Variants in PDZRN4 observed in about 807,000 individuals in gnomAD.
PDZRN4 encodes PDZ domain-containing RING finger protein 4.
A neutral mutation model predicts 99.0 loss-of-function variants in PDZRN4; 70 were observed. That is an observed-to-expected ratio of 0.71 (90% confidence interval 0.58 to 0.86). The LOEUF (loss-of-function observed/expected upper bound fraction) is 0.86, where lower values mean the gene tolerates loss of function less well. Among genes scored for constraint, PDZRN4 ranks in the 40% least tolerant of loss-of-function variants. The pLI is 0.00. For synonymous variants in PDZRN4, 551 were observed against 501.6 expected (o/e 1.10, Z -1.32); for missense variants, 1,474 against 1,331.2 (o/e 1.11, Z -1.67).
intron 3 of PDZRN4, among the ~76,000 whole-genome samples, chr12:41,377,481 G>A (rs561757188): frequency 2.6e-5 from 4 of 152,208 alleles, no homozygotes; most frequent in African/African-American, 9.6e-5. Flanking sequence ...TGGCTAACAC[G>A]GTGAAACCCT....
chr12:41,307,294 G>T (rs1592005665), intron 3 of PDZRN4, among the ~76,000 whole-genome samples: 1 of 151,378 alleles, frequency 6.6e-6, no homozygotes, highest in East Asian at 2.1e-4. Flanking sequence ...GAGTTCTGGT[G>T]AGGGCTCTCT....
In PDZRN4 at chr12:41,480,722, T is replaced by C. The variant is rs1056933186; in HGVS notation, c.844-25734T>C. ...TTACCTTCTCTTCTCCTGGAAGATT[T>C]TTTTTCAGATTGTCAACAGAAAGCA... On this transcript the variant is annotated intron_variant, in intron 3 of 9. Transcript: ENST00000402685. Among the ~76,000 whole-genome samples, 22 of 152,264 alleles carry C rather than the reference T, an allele frequency of 1.4e-4. No individual in the cohort carries two copies. In the South Asian group the frequency reaches 2.9e-3, roughly 20 times the overall value.
chr12:41,387,642 GA>G (rs139068909), intron 3 of PDZRN4, among the ~76,000 whole-genome samples: 2,407 of 152,230 alleles, frequency 0.016, 59 homozygotes, highest in East Asian at 0.091. Flanking sequence ...CTTTTCAAAG[GA>G]AGACATACAG....
chr12:41,364,269 G>A (rs1951982291), intron 3 of PDZRN4, among the ~76,000 whole-genome samples: 2 of 152,032 alleles, frequency 1.3e-5, no homozygotes, highest in Non-Finnish European at 2.9e-5. Flanking sequence ...TTTACACAGT[G>A]TTTAATAATT....
chr12:41,385,733 A>G (rs552723356), intron 3 of PDZRN4, among the ~76,000 whole-genome samples: 1 of 152,262 alleles, frequency 6.6e-6, no homozygotes, highest in African/African-American at 2.4e-5. Flanking sequence ...GCTGAATTCT[A>G]CCAGATGTAC....
chr12:41,545,542 TGTG>T (rs748855491), intron 5 of PDZRN4, among the ~76,000 whole-genome samples: 34 of 138,472 alleles, frequency 2.5e-4, no homozygotes, highest in Non-Finnish European at 5.1e-4. Context: ...TGTGTGTGTG[TGTG>T]TGTGTGTGAC....
intron 1 of PDZRN4, among the ~76,000 whole-genome samples, chr12:41,190,572 G>T (rs1355733660): frequency 6.6e-6 from 1 of 152,148 alleles, no homozygotes; most frequent in African/African-American, 2.4e-5. Context: ...CCTTCTATGT[G>T]TTCCTCAGAA....
At position 41,332,852 on chromosome 12, in the gene PDZRN4, T is replaced by A. The variant is rs538318024; in HGVS notation, c.843+138664T>A. On this transcript the variant is annotated intron_variant, in intron 3 of 9. Coordinates refer to ENST00000402685, the MANE Select transcript of PDZRN4 (RefSeq NM_001164595.2). ...TGATCTGAAGTATGTGGAACTGCAATGACAATAACAACAAAATAGCTATTG... is the reference window on the plus strand; with the variant it reads ...TGATCTGAAGTATGTGGAACTGCAAAGACAATAACAACAAAATAGCTATTG... Among the ~76,000 whole-genome samples, 27 of 151,452 alleles carry A rather than the reference T, an allele frequency of 1.8e-4. 1 individual carries two copies. In the East Asian group the frequency reaches 5.3e-3, roughly 30 times the overall value.
intron 3 of PDZRN4, among the ~76,000 whole-genome samples, chr12:41,442,510 C>T (rs11180921): frequency 0.017 from 2,631 of 152,238 alleles, 51 homozygotes; most frequent in East Asian, 0.092. Flanking sequence ...ACTCTCACAG[C>T]AGATCCTCAT....
At chr12:41,476,598 A>G (rs1953045127) in intron 3 of PDZRN4, among the ~76,000 whole-genome samples, 1 of 152,186 alleles carries the variant, frequency 6.6e-6, no homozygotes, top group Admixed American at 6.5e-5. Context: ...GGAACACCTG[A>G]AACCTTTGGT....
intron 3 of PDZRN4, among the ~76,000 whole-genome samples, chr12:41,337,918 T>A (rs1317541): frequency 0.38 from 58,378 of 151,910 alleles, 11,300 homozygotes; most frequent in African/African-American, 0.4. Flanking sequence ...TCCTATGTGC[T>A]GTCTTTTTTT....
At chr12:41,418,561 T>C (rs1294281414) in intron 3 of PDZRN4, among the ~76,000 whole-genome samples, 2 of 152,158 alleles carry the variant, frequency 1.3e-5, no homozygotes, top group Non-Finnish European at 2.9e-5. Context: ...GCAAGCTTCA[T>C]CTCTCTAAAT....
At chr12:41,425,032 T>C (rs1565579506) in intron 3 of PDZRN4, among the ~76,000 whole-genome samples, 1 of 152,074 alleles carries the variant, frequency 6.6e-6, no homozygotes. Flanking sequence ...ATTAGGAAGA[T>C]GGCATGGATC....
intron 3 of PDZRN4, among the ~76,000 whole-genome samples, chr12:41,324,452 G>T (rs1565552117): frequency 6.6e-6 from 1 of 152,032 alleles, no homozygotes. Context: ...CAATTTATAT[G>T]AAAAGCACAT....
intron 3 of PDZRN4, among the ~76,000 whole-genome samples, chr12:41,433,248 T>C (rs1952599886): frequency 6.6e-6 from 1 of 152,148 alleles, no homozygotes; most frequent in Non-Finnish European, 1.5e-5. Context: ...AATCATCAAA[T>C]AAAGACATGT....
At chr12:41,236,666 T>A (rs1428344820) in intron 3 of PDZRN4, among the ~76,000 whole-genome samples, 1 of 152,154 alleles carries the variant, frequency 6.6e-6, no homozygotes, top group African/African-American at 2.4e-5. Flanking sequence ...TAGATTTGGA[T>A]GTCATAGCAT....
chr12:41,311,737 T>A (rs1951608263), intron 3 of PDZRN4, among the ~76,000 whole-genome samples: 1 of 152,182 alleles, frequency 6.6e-6, no homozygotes, highest in Non-Finnish European at 1.5e-5. Context: ...TTATTGATGC[T>A]CTGTAGAAAC....
At chr12:41,316,731 A>C (rs1951640931) in intron 3 of PDZRN4, among the ~76,000 whole-genome samples, 1 of 151,892 alleles carries the variant, frequency 6.6e-6, no homozygotes, top group Non-Finnish European at 1.5e-5. Flanking sequence ...CTATAAAAGA[A>C]ACTGAAATCT....
At chr12:41,427,636 G>T (rs374660825) in intron 3 of PDZRN4, among the ~76,000 whole-genome samples, 20 of 152,288 alleles carry the variant, frequency 1.3e-4, no homozygotes, top group African/African-American at 4.6e-4. Context: ...CAGTTTCACA[G>T]AAATTAATGG....
Sources: gnomAD v4.1 joint callset for allele counts (sites outside exome capture counted in the v4.1 genomes callset) on GRCh38, gnomAD v4.1.1 for gene constraint, MANE v1.5 for transcripts, NCBI Gene and HGNC (gene_info 2026-07-23, HGNC 2026-07-21) for gene names.